RNF150: variants seen among roughly 807,000 people sequenced by gnomAD.
The protein encoded by RNF150 is ring finger protein 150.
RNF150 carries 24 observed loss-of-function variants against 39.3 expected under a neutral mutation model. The observed-to-expected ratio is 0.61, with a 90% CI of 0.44 to 0.86. RNF150 has a LOEUF of 0.86. RNF150 is among the 40% of genes least tolerant of loss of function. The probability of loss-of-function intolerance (pLI) is 0.00; values close to 1 mark genes in which losing one functional copy is unlikely to be tolerated. For missense variants in RNF150, 502 were observed against 587.8 expected, an observed-to-expected ratio of 0.85 and a Z score of 1.51; for synonymous variants, 255 against 227.3, an observed-to-expected ratio of 1.12 and a Z score of -1.10.
At chr4:141,033,608 G>A (rs975274995) in intron 1 of RNF150, among the ~76,000 whole-genome samples, 8 of 152,120 alleles carry the variant, frequency 5.3e-5, no homozygotes, top group South Asian at 2.1e-4. Context: ...ACTGGGCAGC[G>A]ATACCTTAAA....
At position 141,033,096 on chromosome 4, in the gene RNF150, T is replaced by C. The variant is rs192761549; in HGVS notation, c.485-65223A>G. Among the ~76,000 whole-genome samples the C allele has an allele frequency of 3.0e-4, 46 of 152,268 alleles. No homozygotes were observed. In the East Asian group the frequency reaches 3.1e-3, roughly 10 times the overall value. On this transcript the variant is annotated intron_variant, in intron 1 of 6. Transcript: ENST00000515673. ...CCTTTCACCAAAGATTTCTCTGTAG[T>C]ATGTGATGCTGTTTGACAGCATTTT... is the stretch of plus-strand genomic sequence containing the variant.
chr4:141,183,799 T>C (rs2111191744), intron 1 of RNF150, among the ~76,000 whole-genome samples: 1 of 152,248 alleles, frequency 6.6e-6, no homozygotes, highest in Admixed American at 6.5e-5. Context: ...AGAATGATGG[T>C]TCCCAGCTTC....
At chr4:141,112,979 T>C (rs1449685079) in intron 1 of RNF150, among the ~76,000 whole-genome samples, 1 of 152,126 alleles carries the variant, frequency 6.6e-6, no homozygotes, top group African/African-American at 2.4e-5. Flanking sequence ...TAAGTTGATC[T>C]TCAATTTCTG....
At chr4:141,049,187 A>T (rs921363241) in intron 1 of RNF150, among the ~76,000 whole-genome samples, 1 of 152,194 alleles carries the variant, frequency 6.6e-6, no homozygotes, top group Non-Finnish European at 1.5e-5. Flanking sequence ...GTAATTACAC[A>T]TAGTTTACCA....
chr4:140,958,651 C>A (rs1732881698), intron 2 of RNF150, among the ~76,000 whole-genome samples: 1 of 152,142 alleles, frequency 6.6e-6, no homozygotes, highest in Admixed American at 6.6e-5. Context: ...TTCTGCCTCC[C>A]AGTTCCCATG....
At chr4:140,944,320 G>T (rs762122147) in intron 4 of RNF150, among the ~76,000 whole-genome samples, 27 of 152,094 alleles carry the variant, frequency 1.8e-4, no homozygotes, top group Non-Finnish European at 3.4e-4. Flanking sequence ...TGGTGTATTA[G>T]GATCAAATCC....
intron 1 of RNF150, among the ~76,000 whole-genome samples, chr4:140,974,544 T>A (rs1378373085): frequency 1.3e-5 from 2 of 152,174 alleles, no homozygotes; most frequent in African/African-American, 4.8e-5. Flanking sequence ...GCTTGTACGG[T>A]AGTTGAACAT....
In RNF150 at chr4:141,000,059, GAA is replaced by G. The variant is rs1560679404; in HGVS notation, c.485-32188_485-32187del. On this transcript the variant is annotated intron_variant, in intron 1 of 6. Coordinates refer to ENST00000515673, the MANE Select transcript of RNF150 (RefSeq NM_020724.2). ...AGAAGAAGAAGAAGAAGAAGAAGAA[GAA>G]GAAGAAGAAGAAGAAGAAGAAGAAG... is the stretch of plus-strand genomic sequence containing the variant. Among the ~76,000 whole-genome samples, 28 of 98,010 alleles carry G rather than the reference GAA, an allele frequency of 2.9e-4. 3 individuals are homozygous for G. Among genetic ancestry groups the G allele is most frequent in the African/African-American group, 8.6e-4 (23 of 26,892 alleles). The allele number at this position is 98,010 out of a possible 152,430, so 64.3% of individuals were successfully genotyped here.
intron 1 of RNF150, among the ~76,000 whole-genome samples, chr4:141,169,230 CG>C (rs1727659566): frequency 6.6e-6 from 1 of 151,894 alleles, no homozygotes; most frequent in African/African-American, 2.4e-5. Flanking sequence ...TGTGTAGCAC[CG>C]CCCCCTTTTT....
At chr4:140,938,743 C>A (rs1285876108) in intron 4 of RNF150, among the ~76,000 whole-genome samples, 1 of 152,176 alleles carries the variant, frequency 6.6e-6, no homozygotes, top group Admixed American at 6.5e-5. Flanking sequence ...GATTCCCTTA[C>A]TATTTCTCAT....
chr4:141,132,906 T>G lies in RNF150; in HGVS notation c.-98A>C. ...AACCCCGGGCCGCTGCCTCTCCTCC[T>G]GCTGCTGCTCACTCCCGGGCCGGAG... On this transcript the variant is annotated 5_prime_UTR_variant, in exon 1 of 7. Coordinates refer to ENST00000515673, the MANE Select transcript of RNF150 (RefSeq NM_020724.2). This position sits in a 1 kb window ranked among gnomAD's most constrained non-coding sequence, Gnocchi z 4.9. The G allele has an allele frequency of 2.0e-6, 2 of 1,003,724 alleles. No homozygotes were observed. The allele number at this position is 1,003,724 out of a possible 1,614,324, so 62.2% of individuals were successfully genotyped here.
intron 6 of RNF150, among the ~76,000 whole-genome samples, chr4:140,872,304 A>G (rs1479581017): frequency 6.6e-6 from 1 of 152,232 alleles, no homozygotes; most frequent in African/African-American, 2.4e-5. Context: ...TAAAAGTAAT[A>G]TTAGCCCTCA....
chr4:141,106,751 G>C (rs1739222647), intron 1 of RNF150, among the ~76,000 whole-genome samples: 1 of 151,980 alleles, frequency 6.6e-6, no homozygotes, highest in South Asian at 2.1e-4. Flanking sequence ...CTGACATCGT[G>C]CCATTGCACT....
At chr4:141,203,910 T>G (rs1728334184) in intron 1 of RNF150, among the ~76,000 whole-genome samples, 1 of 151,564 alleles carries the variant, frequency 6.6e-6, no homozygotes, top group Non-Finnish European at 1.5e-5. Flanking sequence ...AGAGGGGTAA[T>G]GTTTCTGTTA....
At chr4:140,912,669 A>AGAG (rs1468673615) in intron 5 of RNF150, among the ~76,000 whole-genome samples, 15 of 152,206 alleles carry the variant, frequency 9.9e-5, no homozygotes, top group Admixed American at 9.8e-4. Context: ...AGTCAGCTGA[A>AGAG]GAGCTCTACC....
chr4:140,927,438 T>C (rs1379521309), intron 4 of RNF150, among the ~76,000 whole-genome samples: 1 of 152,108 alleles, frequency 6.6e-6, no homozygotes, highest in Non-Finnish European at 1.5e-5. Flanking sequence ...CTTGTGATAG[T>C]GATTTCTCAT....
intron 5 of RNF150, among the ~76,000 whole-genome samples, chr4:140,920,465 T>C (rs1410156248): frequency 3.1e-5 from 4 of 128,490 alleles, no homozygotes; most frequent in African/African-American, 1.1e-4. Flanking sequence ...ATCAGAGAAA[T>C]GCAAATCAAA....
intron 1 of RNF150, among the ~76,000 whole-genome samples, chr4:140,972,022 T>C (rs1296743466): frequency 6.6e-6 from 1 of 150,894 alleles, no homozygotes; most frequent in African/African-American, 2.5e-5. Flanking sequence ...CTCTAGAACT[T>C]AGGTGACAAA....
At chr4:141,103,964 T>C (rs1196605056) in intron 1 of RNF150, among the ~76,000 whole-genome samples, 1 of 152,162 alleles carries the variant, frequency 6.6e-6, no homozygotes, top group East Asian at 1.9e-4. Flanking sequence ...GGAGAAAAAG[T>C]AGTTCATTTT....
Sources: allele counts gnomAD v4.1 joint callset (sites outside exome capture counted in the v4.1 genomes callset), GRCh38; gene constraint gnomAD v4.1.1; non-coding constraint Gnocchi (gnomAD v3.1); transcripts MANE v1.5; gene names NCBI Gene and HGNC (gene_info 2026-07-23, HGNC 2026-07-21).